Variants in CACNA2D2 observed in about 807,000 individuals in gnomAD.
CACNA2D2 encodes the protein voltage-dependent calcium channel subunit alpha-2/delta-2.
In CACNA2D2, 48 loss-of-function variants were observed where a neutral mutation model predicts 166.4. That is an observed-to-expected ratio of 0.29 (90% confidence interval 0.23 to 0.37). The LOEUF (loss-of-function observed/expected upper bound fraction) is 0.37, where lower values mean the gene tolerates loss of function less well. Among genes scored for constraint, CACNA2D2 ranks in the 10% least tolerant of loss-of-function variants. CACNA2D2 has a pLI of 1.00. For missense variants in CACNA2D2, 1,122 were observed against 1,433.0 expected (o/e 0.78, Z 3.50); for synonymous variants, 561 against 573.7 (o/e 0.98, Z 0.32).
chr3:50,368,830 T>A (rs1704495656), intron 23 of CACNA2D2, among the ~76,000 whole-genome samples: 1 of 152,216 alleles, frequency 6.6e-6, no homozygotes, highest in African/African-American at 2.4e-5. Context: ...GCATTCAGGC[T>A]CTGGGTCCAG....
intron 3 of CACNA2D2, among the ~76,000 whole-genome samples, chr3:50,425,037 G>A (rs1433139596): frequency 6.6e-6 from 1 of 152,120 alleles, no homozygotes; most frequent in Non-Finnish European, 1.5e-5. Context: ...GTATTTTAAG[G>A]CACAGAAAGT....
In CACNA2D2 at chr3:50,380,778, ATCT is replaced by A. The variant is rs1363537173; in HGVS notation, c.809_811del (p.Lys270del). 1 of 1,549,470 alleles carries A rather than the reference ATCT, an allele frequency of 6.5e-7. No homozygotes were observed. Among genetic ancestry groups the A allele is most frequent in the East Asian group, 2.3e-5 (1 of 43,902 alleles). ...TCTCCTTCGGACATCGTACAGGTCG[ATCT>A]TCTTGGGGGCTCGCCACGGGGTGGC... On this transcript the variant is annotated inframe_deletion, in exon 8 of 38. Coordinates refer to ENST00000424201, the MANE Select transcript of CACNA2D2 (RefSeq NM_006030.4). The surrounding 1 kb of genome is among the most constrained non-coding windows in gnomAD (Gnocchi z 4.9).
rs2109404236 is a variant in CACNA2D2 at position 50,366,504 on chromosome 3, G to T, written c.2637+74C>A. 6.5e-7 allele frequency: 1 copy of T among 1,544,984 alleles called. No homozygotes were observed. The highest frequency in any genetic ancestry group is 9.0e-7 in the Non-Finnish European group (1 of 1,117,238). ...GACCCACAGGCCAAGGGATGTGCTG[G>T]GAGTCGCGGCTGGGACTAGGAAGTC... is the stretch of plus-strand genomic sequence containing the variant. On this transcript the variant is annotated intron_variant, in intron 30 of 37. Coordinates refer to ENST00000424201, the MANE Select transcript of CACNA2D2 (RefSeq NM_006030.4). This position sits in a 1 kb window ranked among gnomAD's most constrained non-coding sequence, Gnocchi z 5.9.
At chr3:50,397,557 G>A (rs1268511943) in intron 3 of CACNA2D2, among the ~76,000 whole-genome samples, 1 of 152,168 alleles carries the variant, frequency 6.6e-6, no homozygotes, top group Non-Finnish European at 1.5e-5. Context: ...CTTTCTTGGA[G>A]CAGGGTCTTC....
At chr3:50,436,264 G>T (rs1401648785) in intron 2 of CACNA2D2, among the ~76,000 whole-genome samples, 3 of 152,164 alleles carry the variant, frequency 2.0e-5, no homozygotes, top group Non-Finnish European at 4.4e-5. Context: ...GGGCACTGCT[G>T]CCCGGCTTCT....
chr3:50,390,698 G>A (rs1464918090), intron 4 of CACNA2D2, among the ~76,000 whole-genome samples: 1 of 152,318 alleles, frequency 6.6e-6, no homozygotes, highest in African/African-American at 2.4e-5. Context: ...CAGGCGAGGG[G>A]CGGGGCAGGA....
At position 50,366,125 on chromosome 3, in the gene CACNA2D2, C is replaced by T; in HGVS notation, c.2748G>A (p.Met916Ile). 6.2e-7 allele frequency: 1 copy of T among 1,613,992 alleles called. No homozygotes were observed. Among genetic ancestry groups the T allele is most frequent in the Non-Finnish European group, 8.5e-7 (1 of 1,179,988 alleles). ...RFFSEVDANL[M>I]LALYNNSFYT... ...AGAAGGAGTTATTGTAGAGTGCCAG[C>T]ATCAGGTTGGCATCCACCTCACTGA... Residue 916 changes from methionine (M) to isoleucine (I), a missense_variant, in exon 32 of 38, where the codon ATG becomes ATA. Coordinates refer to ENST00000424201, the MANE Select transcript of CACNA2D2 (RefSeq NM_006030.4). This position sits in a 1 kb window ranked among gnomAD's most constrained non-coding sequence, Gnocchi z 5.9.
chr3:50,496,944 C>T (rs1293576013), intron 1 of CACNA2D2, among the ~76,000 whole-genome samples: 2 of 152,152 alleles, frequency 1.3e-5, no homozygotes, highest in Non-Finnish European at 2.9e-5. Flanking sequence ...AGCCTTTTCA[C>T]CCACCTCTTC....
chr3:50,495,232 G>T (rs890045724), intron 1 of CACNA2D2, among the ~76,000 whole-genome samples: 1 of 152,160 alleles, frequency 6.6e-6, no homozygotes, highest in African/African-American at 2.4e-5. Flanking sequence ...AGTCAGGGAC[G>T]CATGCAAAGC....
chr3:50,364,556 C>T lies in CACNA2D2; in HGVS notation c.*110G>A. The T allele has an allele frequency of 7.6e-7, 1 of 1,315,742 alleles. No individual in the cohort carries two copies. The highest frequency in any genetic ancestry group is 1.0e-6 in the Non-Finnish European group (1 of 989,942). The allele number at this position is 1,315,742 out of a possible 1,614,324, so 81.5% of individuals were successfully genotyped here. On this transcript the variant is annotated 3_prime_UTR_variant, in exon 38 of 38. Transcript: ENST00000424201. ...CTCTCAGGGCCTGGCCAGCTCAGGT[C>T]CTTCAGTGAGGGAGGGACGAGGCTC...
chr3:50,426,597 C>T (rs951106076), intron 3 of CACNA2D2, among the ~76,000 whole-genome samples: 1 of 152,196 alleles, frequency 6.6e-6, no homozygotes, highest in African/African-American at 2.4e-5. Context: ...ACCCATCAGG[C>T]TCTGTGGGCC....
chr3:50,469,072 GCCCGCCTCAGGCTC>G (rs1180135985), intron 2 of CACNA2D2, among the ~76,000 whole-genome samples: 2 of 151,878 alleles, frequency 1.3e-5, no homozygotes, highest in Non-Finnish European at 2.9e-5. Context: ...CAAATGATCT[GCCCGCCTCAGGCTC>G]CCAAAGTGCT....
rs1704958131 is a variant in CACNA2D2 at position 50,375,939 on chromosome 3, C to T, written c.1773+24G>A. Reference sequence around the variant, plus strand: ...CTACACTCCTCTGCTCTGTCCCCCACCCCTGTTCTCCTCCTCTCCTTACCT... The same window carrying T: ...CTACACTCCTCTGCTCTGTCCCCCATCCCTGTTCTCCTCCTCTCCTTACCT... On this transcript the variant is annotated intron_variant, in intron 19 of 37. Transcript: ENST00000424201. This position sits in a 1 kb window ranked among gnomAD's most constrained non-coding sequence, Gnocchi z 4.0. 2 of 1,612,848 alleles carry T rather than the reference C, an allele frequency of 1.2e-6. No individual in the cohort carries two copies. Among genetic ancestry groups the T allele is most frequent in the African/African-American group, 1.3e-5 (1 of 74,940 alleles).
chr3:50,475,780 C>T (rs1232274113), intron 2 of CACNA2D2, among the ~76,000 whole-genome samples: 1 of 152,176 alleles, frequency 6.6e-6, no homozygotes, highest in Non-Finnish European at 1.5e-5. Context: ...TGCACCCCTG[C>T]GTCCACTGAC....
In CACNA2D2 at chr3:50,380,686, G is replaced by A. The variant is rs1705255472; in HGVS notation, c.842+62C>T. 11 of 1,301,958 alleles carry A rather than the reference G, an allele frequency of 8.4e-6. No individual in the cohort carries two copies. Among genetic ancestry groups the A allele is most frequent in the Non-Finnish European group, 1.1e-5 (11 of 967,394 alleles). The allele number at this position is 1,301,958 out of a possible 1,614,324, so 80.7% of individuals were successfully genotyped here. A position where few individuals can be genotyped will look rare whatever the true frequency, so the allele number is the denominator to read the frequency against. On this transcript the variant is annotated intron_variant, in intron 8 of 37. Transcript: ENST00000424201. This position sits in a 1 kb window ranked among gnomAD's most constrained non-coding sequence, Gnocchi z 4.9. ...GGCTTGGAAATGGGGAGGGAGGGGA[G>A]CAGGCAGGAAAGGTGGGGAACTGAG...
intron 2 of CACNA2D2, among the ~76,000 whole-genome samples, chr3:50,437,373 C>A (rs1255317753): frequency 6.6e-6 from 1 of 152,164 alleles, no homozygotes; most frequent in African/African-American, 2.4e-5. Flanking sequence ...CTCTCTAGGG[C>A]AAGGCCAGGG....
Position 50,364,725 on chromosome 3 carries a change from G to A in CACNA2D2, c.3373C>T (p.Leu1125=), listed in dbSNP as rs1017724866. The A allele has an allele frequency of 5.1e-6, 8 of 1,554,626 alleles. No homozygotes were observed. Among genetic ancestry groups the A allele is most frequent in the East Asian group, 2.4e-5 (1 of 41,042 alleles). ...GGCTGCGGCCGGGGCGGCAGGCCCA[G>A]GAGGAGCAGCAGTTGCAGGGAGACC... The part of the protein sequence containing the change: ...VLVSLQLLLL[L]GLPPRPQPQV... The change falls in exon 38 of 38, where the codon CTG becomes TTG. Residue 1125 remains leucine (L), a synonymous_variant. Coordinates refer to ENST00000424201, the MANE Select transcript of CACNA2D2 (RefSeq NM_006030.4).
chr3:50,490,232 C>T (rs1212133969), intron 1 of CACNA2D2, among the ~76,000 whole-genome samples: 4 of 152,278 alleles, frequency 2.6e-5, no homozygotes, highest in South Asian at 4.1e-4. Context: ...CATTTGGGTT[C>T]AGCTGGCTCC....
In CACNA2D2 at chr3:50,390,583, C is replaced by G. The variant is rs369102222; in HGVS notation, c.466-2971G>C. ...ACTCCCCTGACATACCCTGTGTTATCTGATATTTTAGGGGCCATTTTGCCC... is the reference window on the plus strand; with the variant it reads ...ACTCCCCTGACATACCCTGTGTTATGTGATATTTTAGGGGCCATTTTGCCC... On this transcript the variant is annotated intron_variant, in intron 4 of 37. Coordinates refer to ENST00000424201, the MANE Select transcript of CACNA2D2 (RefSeq NM_006030.4). Among the ~76,000 whole-genome samples the G allele has an allele frequency of 2.6e-5, 4 of 152,232 alleles. No homozygotes were observed. The East Asian group carries it at 7.7e-4, about 29-fold the overall frequency.
Sources: allele counts gnomAD v4.1 joint callset (sites outside exome capture counted in the v4.1 genomes callset), GRCh38; gene constraint gnomAD v4.1.1; non-coding constraint Gnocchi (gnomAD v3.1); transcripts MANE v1.5; gene names NCBI Gene and HGNC (gene_info 2026-07-23, HGNC 2026-07-21).